The following MAN1A1 variants were observed in gnomAD, a reference collection of about 807,000 sequenced individuals.
MAN1A1 encodes mannosidase alpha class 1A member 1.
Under a neutral mutation model 70.8 loss-of-function variants are expected in MAN1A1, and 29 were observed. The ratio of observed to expected loss-of-function variants is 0.41; its 90% CI spans 0.31 to 0.56. MAN1A1 has a LOEUF of 0.56. MAN1A1 is among the 20% of genes least tolerant of loss of function. MAN1A1 has a pLI of 0.29. For missense variants in MAN1A1, 747 were observed against 841.3 expected, an observed-to-expected ratio of 0.89 and a Z score of 1.39; for synonymous variants, 349 against 330.1, an observed-to-expected ratio of 1.06 and a Z score of -0.62.
At position 119,263,946 on chromosome 6, in the gene MAN1A1, T is replaced by G. The variant is rs574680256; in HGVS notation, c.898-15592A>C. The stretch of plus-strand genomic sequence containing the variant: ...GAAGAAGCTTTACTATGATCTCCTA[T>G]AGAAGAAATGTTTCCTTCAGTTCTT... On this transcript the variant is annotated intron_variant, in intron 5 of 12. Coordinates refer to ENST00000368468, the MANE Select transcript of MAN1A1 (RefSeq NM_005907.4). Among the ~76,000 whole-genome samples, 3 of 152,334 alleles carry G rather than the reference T, an allele frequency of 2.0e-5. No individual in the cohort carries two copies. The East Asian group carries it at 5.8e-4, about 29-fold the overall frequency.
chr6:119,254,420 A>G (rs1375001464), intron 5 of MAN1A1, among the ~76,000 whole-genome samples: 3 of 152,216 alleles, frequency 2.0e-5, no homozygotes, highest in Non-Finnish European at 4.4e-5. Flanking sequence ...CTGGAAAAAT[A>G]AGTACTCAGA....
At chr6:119,272,993 C>A (rs1476419449) in intron 5 of MAN1A1, among the ~76,000 whole-genome samples, 1 of 152,032 alleles carries the variant, frequency 6.6e-6, no homozygotes, top group Non-Finnish European at 1.5e-5. Flanking sequence ...AGAAGGAAAT[C>A]CAGTTACCAC....
intron 2 of MAN1A1, among the ~76,000 whole-genome samples, chr6:119,329,455 T>TC (rs61065874): frequency 9.0e-4 from 135 of 150,210 alleles, no homozygotes; most frequent in South Asian, 3.6e-3. Flanking sequence ...ATAATAAATA[T>TC]CCCCCCCCCA....
chr6:119,345,758 T>C (rs1773711517), intron 2 of MAN1A1, among the ~76,000 whole-genome samples: 1 of 152,214 alleles, frequency 6.6e-6, no homozygotes, highest in Admixed American at 6.5e-5. Flanking sequence ...AAATTTTAAC[T>C]ATAAGTGTTG....
Position 119,201,702 on chromosome 6 carries a change from G to A in MAN1A1, c.1117-355C>T, listed in dbSNP as rs79431841. Among the ~76,000 whole-genome samples, 262 of 152,236 alleles carry A rather than the reference G, an allele frequency of 1.7e-3. 2 individuals are homozygous for A. Among genetic ancestry groups the A allele is most frequent in the African/African-American group, 6.1e-3 (253 of 41,540 alleles). On this transcript the variant is annotated intron_variant, in intron 7 of 12. Coordinates refer to ENST00000368468, the MANE Select transcript of MAN1A1 (RefSeq NM_005907.4). ...GGGAAACACAGGCAATTTAATTCTT[G>A]TACAAACATCATAGAGCACACTGTC... is the stretch of plus-strand genomic sequence containing the variant.
chr6:119,225,195 T>C (rs1375759874), intron 6 of MAN1A1, among the ~76,000 whole-genome samples: 1 of 151,884 alleles, frequency 6.6e-6, no homozygotes, highest in African/African-American at 2.4e-5. Context: ...TAAATATAAA[T>C]GAACAGAGCT....
At chr6:119,202,638 T>C (rs1017207117) in intron 7 of MAN1A1, among the ~76,000 whole-genome samples, 9 of 152,252 alleles carry the variant, frequency 5.9e-5, no homozygotes, top group African/African-American at 2.2e-4. Flanking sequence ...ACCACAAACA[T>C]GTAAGTAACG....
chr6:119,255,431 T>G (rs1323136296), intron 5 of MAN1A1, among the ~76,000 whole-genome samples: 2 of 152,248 alleles, frequency 1.3e-5, no homozygotes, highest in Non-Finnish European at 2.9e-5. Context: ...TACTGTTAGT[T>G]GAGTTGATAA....
chr6:119,179,581 G>C lies in MAN1A1; in HGVS notation c.*238C>G, dbSNP rs1377139660. ...CCTTCATGAAATCCAGAGATAATAG[G>C]TTACTTAAAAACATAAACAAAAAAC... On this transcript the variant is annotated 3_prime_UTR_variant, in exon 13 of 13. Coordinates refer to ENST00000368468, the MANE Select transcript of MAN1A1 (RefSeq NM_005907.4). 6.9e-6 allele frequency: 2 copies of C among 289,290 alleles called. No homozygotes were observed. Among genetic ancestry groups the C allele is most frequent in the Non-Finnish European group, 1.3e-5 (2 of 150,028 alleles). 17.9% of individuals were successfully genotyped at this position (289,290 alleles called of 1,614,324 possible).
At chr6:119,323,285 T>C (rs1243415154) in intron 2 of MAN1A1, among the ~76,000 whole-genome samples, 1 of 152,212 alleles carries the variant, frequency 6.6e-6, no homozygotes, top group African/African-American at 2.4e-5. Flanking sequence ...AAAGTTGTAA[T>C]ACAATGACCC....
chr6:119,193,178 A>C (rs1773484798), intron 9 of MAN1A1, among the ~76,000 whole-genome samples: 1 of 152,168 alleles, frequency 6.6e-6, no homozygotes, highest in Non-Finnish European at 1.5e-5. Flanking sequence ...AGAGAAAAAA[A>C]CCCAACTCCA....
At chr6:119,204,941 T>A in intron 6 of MAN1A1, 59 bp from the exon 7 acceptor site, 1 of 1,567,166 alleles carries the variant, frequency 6.4e-7, no homozygotes. Context: ...TTTCACTATC[T>A]AAATAGCAGA....
chr6:119,320,898 G>T (rs1037624748), intron 2 of MAN1A1, among the ~76,000 whole-genome samples: 1 of 152,074 alleles, frequency 6.6e-6, no homozygotes, highest in Non-Finnish European at 1.5e-5. Context: ...ATACCACTCT[G>T]TTAATAACAT....
intron 12 of MAN1A1, 34 bp downstream of exon 12, chr6:119,180,278 T>A: frequency 3.4e-6 from 5 of 1,452,476 alleles, no homozygotes; most frequent in Non-Finnish European, 4.8e-6. Context: ...TTCAGGTACC[T>A]TAGCCACATG....
chr6:119,292,206 G>A (rs1772049178), intron 4 of MAN1A1, among the ~76,000 whole-genome samples: 1 of 152,022 alleles, frequency 6.6e-6, no homozygotes, highest in East Asian at 1.9e-4. Context: ...TACTAGGTAA[G>A]TTAGAATAGC....
intron 9 of MAN1A1, 152 bp from the exon 10 acceptor site, chr6:119,190,035 C>T (rs1773400610): frequency 1.6e-6 from 1 of 642,770 alleles, no homozygotes; most frequent in Non-Finnish European, 2.7e-6. Context: ...CATGCTATTG[C>T]TTTCTGTATT....
At position 119,349,173 on chromosome 6, in the gene MAN1A1, AC is replaced by A. The variant is rs1773833529; in HGVS notation, c.-109del. 8.2e-7 allele frequency: 1 copy of A among 1,226,348 alleles called. No individual in the cohort carries two copies. Among genetic ancestry groups the A allele is most frequent in the Non-Finnish European group, 1.0e-6 (1 of 985,470 alleles). The allele number at this position is 1,226,348 out of a possible 1,614,324, so 76.0% of individuals were successfully genotyped here. ...GGGTCCTGCGTAGCCAGGCCGCCCG[AC>A]CCCCTCGGCTGGGCTGCGGATCCTC... is the stretch of plus-strand genomic sequence containing the variant. On this transcript the variant is annotated 5_prime_UTR_variant, in exon 2 of 13. Transcript: ENST00000368468.
At chr6:119,297,034 A>G (rs1772235042) in intron 4 of MAN1A1, among the ~76,000 whole-genome samples, 2 of 152,380 alleles carry the variant, frequency 1.3e-5, no homozygotes, top group South Asian at 4.1e-4. Flanking sequence ...TTCATTACAG[A>G]AGATAGTTTT....
chr6:119,209,440 T>A (rs140241820), intron 6 of MAN1A1, among the ~76,000 whole-genome samples: 1 of 152,202 alleles, frequency 6.6e-6, no homozygotes, highest in Non-Finnish European at 1.5e-5. Context: ...CTTGGGGTTA[T>A]ACAGTTATCA....
Sources: allele counts gnomAD v4.1 joint callset (sites outside exome capture counted in the v4.1 genomes callset), GRCh38; gene constraint gnomAD v4.1.1; transcripts MANE v1.5; gene names NCBI Gene and HGNC (gene_info 2026-07-23, HGNC 2026-07-21).